PTPRG: variants seen among roughly 807,000 people sequenced by gnomAD.
The protein encoded by PTPRG is receptor-type tyrosine-protein phosphatase gamma.
Under a neutral mutation model 165.3 loss-of-function variants are expected in PTPRG, and 102 were observed. The observed-to-expected ratio is 0.62, with a 90% CI of 0.53 to 0.73. PTPRG has a LOEUF of 0.73. Ranked by LOEUF, PTPRG falls within the 30% of genes least tolerant of loss-of-function variation. The pLI, the probability that PTPRG is intolerant of heterozygous loss-of-function variation, is 0.00. For synonymous variants in PTPRG, 675 were observed against 669.5 expected (o/e 1.01, Z -0.13); for missense variants, 1,866 against 1,861.4 (o/e 1.00, Z -0.05).
chr3:62,067,089 C>T (rs1054920984), intron 4 of PTPRG, among the ~76,000 whole-genome samples: 1 of 151,132 alleles, frequency 6.6e-6, no homozygotes, highest in Admixed American at 6.6e-5. Context: ...TTCAAGCTCC[C>T]TCACAGCAGA....
chr3:61,596,013 G>A lies in PTPRG; in HGVS notation c.85+33641G>A, dbSNP rs111338680. Among the ~76,000 whole-genome samples the A allele has an allele frequency of 2.6e-5, 4 of 152,104 alleles. No homozygotes were observed. In the East Asian group the frequency reaches 7.7e-4, roughly 29 times the overall value. On this transcript the variant is annotated intron_variant, in intron 1 of 29. Coordinates refer to ENST00000474889, the MANE Select transcript of PTPRG (RefSeq NM_002841.4). ...TACGTTCAAGGCAAAAATCCATTTA[G>A]GCAGAAGGACAATTCATTTTGAAAA...
chr3:62,132,553 TGC>T, intron 5 of PTPRG, 47 bp from the exon 6 acceptor site: 1 of 1,412,042 alleles, frequency 7.1e-7, no homozygotes, highest in Non-Finnish European at 1.0e-6. Flanking sequence ...GAGACTGTTG[TGC>T]CTGATGCCAG....
chr3:62,051,446 T>C (rs1700466006), intron 4 of PTPRG, among the ~76,000 whole-genome samples: 1 of 152,192 alleles, frequency 6.6e-6, no homozygotes, highest in African/African-American at 2.4e-5. Flanking sequence ...TGAACATGTG[T>C]AAATGTCTTT....
Position 61,563,610 on chromosome 3 carries a change from C to T in PTPRG, c.85+1238C>T, listed in dbSNP as rs181794569. Among the ~76,000 whole-genome samples the T allele has an allele frequency of 2.6e-3, 391 of 152,324 alleles. 2 individuals are homozygous for T. The highest frequency in any genetic ancestry group is 9.1e-3 in the African/African-American group (379 of 41,580). On this transcript the variant is annotated intron_variant, in intron 1 of 29. Coordinates refer to ENST00000474889, the MANE Select transcript of PTPRG (RefSeq NM_002841.4). ...AGAGAATTCCCCGTTTTTCTGCCCTCTCATCCATCAACTCCTGCATACCCG... is the reference window on the plus strand; with the variant it reads ...AGAGAATTCCCCGTTTTTCTGCCCTTTCATCCATCAACTCCTGCATACCCG...
At chr3:61,969,867 C>A (rs1575834758) in intron 2 of PTPRG, among the ~76,000 whole-genome samples, 2 of 151,976 alleles carry the variant, frequency 1.3e-5, no homozygotes, top group East Asian at 3.9e-4. Context: ...TGGTACACAC[C>A]CATGTCCTTT....
At chr3:61,721,279 C>T (rs2032032881) in intron 1 of PTPRG, among the ~76,000 whole-genome samples, 1 of 152,118 alleles carries the variant, frequency 6.6e-6, no homozygotes, top group African/African-American at 2.4e-5. Context: ...ATAGTATCAT[C>T]AGTTTTGATT....
At chr3:62,277,069 A>C (rs1264894123) in intron 25 of PTPRG, 21 bp downstream of exon 25, 1 of 1,591,538 alleles carries the variant, frequency 6.3e-7, no homozygotes, top group Non-Finnish European at 8.6e-7. Context: ...ACAGTTAATT[A>C]TAAATAAAGT....
chr3:61,829,174 C>T (rs184579522), intron 2 of PTPRG, among the ~76,000 whole-genome samples: 7 of 152,102 alleles, frequency 4.6e-5, no homozygotes, highest in Middle Eastern at 3.2e-3. Context: ...CCAACAAAGG[C>T]GAAGTAAATG....
At chr3:62,175,067 A>G (rs1323426316) in intron 8 of PTPRG, among the ~76,000 whole-genome samples, 1 of 152,224 alleles carries the variant, frequency 6.6e-6, no homozygotes, top group African/African-American at 2.4e-5. Context: ...AGGTCCTGCC[A>G]TATTATATCC....
At chr3:61,939,536 G>C (rs1198466053) in intron 2 of PTPRG, among the ~76,000 whole-genome samples, 1 of 152,220 alleles carries the variant, frequency 6.6e-6, no homozygotes, top group Non-Finnish European at 1.5e-5. Context: ...GTTTAGCCAT[G>C]TAAAAGAAGT....
intron 4 of PTPRG, among the ~76,000 whole-genome samples, chr3:62,064,809 C>G (rs1311054661): frequency 6.8e-6 from 1 of 146,954 alleles, no homozygotes; most frequent in African/African-American, 2.5e-5. Flanking sequence ...CTGGGCTCGC[C>G]GCAACATCCA....
intron 12 of PTPRG, among the ~76,000 whole-genome samples, chr3:62,216,357 T>C (rs1238541699): frequency 2.0e-5 from 3 of 152,174 alleles, no homozygotes; most frequent in African/African-American, 7.2e-5. Flanking sequence ...TTGCATTCTT[T>C]GTAGCAGCAC....
At chr3:61,688,710 G>C (rs2029943703) in intron 1 of PTPRG, among the ~76,000 whole-genome samples, 1 of 152,240 alleles carries the variant, frequency 6.6e-6, no homozygotes, top group Non-Finnish European at 1.5e-5. Context: ...TCAATAGTCA[G>C]TACCCTTGTC....
At position 62,124,591 on chromosome 3, in the gene PTPRG, G is replaced by A. The variant is rs61751184; in HGVS notation, c.616-8011G>A. ...GGCTGTTTTTCCTAATGGACCTCAC[G>A]GGACTGAAGGCTTTCATGCTGACCG... On this transcript the variant is annotated intron_variant, in intron 5 of 29. Transcript: ENST00000474889. 4,202 of 1,236,170 alleles carry A rather than the reference G, an allele frequency of 3.4e-3. 79 individuals are homozygous for A. The African/African-American group carries it at 0.048, about 14-fold the overall frequency. The allele number at this position is 1,236,170 out of a possible 1,614,324, so 76.6% of individuals were successfully genotyped here.
chr3:61,945,201 C>T lies in PTPRG; in HGVS notation c.191-44424C>T, dbSNP rs533807921. On this transcript the variant is annotated intron_variant, in intron 2 of 29. Transcript: ENST00000474889. ...AGCAAAATACCAGGAACTTCCTAAT[C>T]TAGTAGGAAATTTTGTATGCTTTTG... Among the ~76,000 whole-genome samples, 4 of 152,220 alleles carry T rather than the reference C, an allele frequency of 2.6e-5. No homozygotes were observed. The South Asian group carries it at 8.3e-4, about 32-fold the overall frequency.
chr3:61,641,096 TGAC>T (rs1359834846), intron 1 of PTPRG, among the ~76,000 whole-genome samples: 1 of 152,222 alleles, frequency 6.6e-6, no homozygotes, highest in Admixed American at 6.5e-5. Flanking sequence ...ATCTGAAGCT[TGAC>T]TCTTTGATCA....
intron 1 of PTPRG, among the ~76,000 whole-genome samples, chr3:61,725,935 C>T (rs1157123717): frequency 6.6e-6 from 1 of 152,106 alleles, no homozygotes; most frequent in Non-Finnish European, 1.5e-5. Context: ...ATCCTTCGGT[C>T]CTATCTGACT....
chr3:62,073,260 A>T (rs867435993), intron 4 of PTPRG, among the ~76,000 whole-genome samples: 1 of 152,208 alleles, frequency 6.6e-6, no homozygotes, highest in African/African-American at 2.4e-5. Flanking sequence ...TCACCCAAGG[A>T]TACTAAAGTA....
At chr3:62,043,188 A>G (rs113693741) in intron 4 of PTPRG, among the ~76,000 whole-genome samples, 26 of 152,342 alleles carry the variant, frequency 1.7e-4, no homozygotes, top group African/African-American at 5.0e-4. Flanking sequence ...CAACAAATAC[A>G]AAGAAGCCCA....
Sources: allele counts gnomAD v4.1 joint callset (sites outside exome capture counted in the v4.1 genomes callset), GRCh38; gene constraint gnomAD v4.1.1; transcripts MANE v1.5; gene names NCBI Gene and HGNC (gene_info 2026-07-23, HGNC 2026-07-21).